PHACTR3: variants seen among roughly 807,000 people sequenced by gnomAD.
PHACTR3 encodes phosphatase and actin regulator 3.
A neutral mutation model predicts 66.8 loss-of-function variants in PHACTR3; 16 were observed. That is an observed-to-expected ratio of 0.24 (90% CI 0.16 to 0.36). PHACTR3 has a LOEUF of 0.36. PHACTR3 is among the 10% of genes least tolerant of loss of function. The probability of loss-of-function intolerance (pLI) is 1.00; values close to 1 mark genes in which losing one functional copy is unlikely to be tolerated. For missense variants in PHACTR3, 647 were observed against 719.9 expected (o/e 0.90, Z 1.16); for synonymous variants, 323 against 292.1 (o/e 1.11, Z -1.08).
chr20:59,761,152 G>A (rs1358775415), intron 4 of PHACTR3, among the ~76,000 whole-genome samples: 1 of 152,166 alleles, frequency 6.6e-6, no homozygotes, highest in East Asian at 1.9e-4. Flanking sequence ...TACTGCCCAT[G>A]TCTGTGTCTG....
At chr20:59,620,727 G>A (rs539087779) in intron 1 of PHACTR3, among the ~76,000 whole-genome samples, 2 of 152,288 alleles carry the variant, frequency 1.3e-5, no homozygotes, top group African/African-American at 4.8e-5. Flanking sequence ...ATTCGTCAGC[G>A]TTTTGTGGGA....
chr20:59,588,593 C>G (rs1008468207), intron 1 of PHACTR3, among the ~76,000 whole-genome samples: 1 of 152,204 alleles, frequency 6.6e-6, no homozygotes, highest in Non-Finnish European at 1.5e-5. Flanking sequence ...CCTTTGAGTC[C>G]TGAGGCCTGT....
intron 1 of PHACTR3, among the ~76,000 whole-genome samples, chr20:59,595,189 G>C (rs999610279): frequency 1.3e-5 from 2 of 152,120 alleles, no homozygotes; most frequent in East Asian, 1.9e-4. Context: ...TGTGCCGGGC[G>C]TGGTGGCTCA....
At chr20:59,817,987 T>TC (rs1489841970) in intron 8 of PHACTR3, among the ~76,000 whole-genome samples, 1 of 152,148 alleles carries the variant, frequency 6.6e-6, no homozygotes, top group Non-Finnish European at 1.5e-5. Context: ...AATAAATGGG[T>TC]CATCCTGTAA....
At chr20:59,763,702 A>G (rs1221953046) in intron 4 of PHACTR3, among the ~76,000 whole-genome samples, 2 of 152,232 alleles carry the variant, frequency 1.3e-5, no homozygotes, top group East Asian at 3.8e-4. Flanking sequence ...AAGGTTAGAC[A>G]GGGAAGAGGA....
intron 8 of PHACTR3, among the ~76,000 whole-genome samples, chr20:59,811,564 C>T (rs2041736853): frequency 6.6e-6 from 1 of 152,150 alleles, no homozygotes; most frequent in Non-Finnish European, 1.5e-5. Flanking sequence ...GAGGCTGAGG[C>T]AGGAGAATCG....
At chr20:59,752,587 G>T (rs1264095679) in intron 3 of PHACTR3, among the ~76,000 whole-genome samples, 1 of 152,244 alleles carries the variant, frequency 6.6e-6, no homozygotes, top group East Asian at 1.9e-4. Context: ...CAGAAAACCT[G>T]CAAGAAAGCA....
intron 1 of PHACTR3, among the ~76,000 whole-genome samples, chr20:59,693,940 A>G (rs895756021): frequency 1.5e-4 from 23 of 152,198 alleles, no homozygotes; most frequent in African/African-American, 4.8e-4. Context: ...CGTAAGCCCC[A>G]GTCCAGCCCA....
Position 59,781,744 on chromosome 20 carries a change from A to G in PHACTR3, c.1174+7254A>G, listed in dbSNP as rs116829611. Among the ~76,000 whole-genome samples the G allele has an allele frequency of 2.4e-3, 366 of 152,250 alleles. 1 individual carries two copies. Among genetic ancestry groups the G allele is most frequent in the African/African-American group, 8.6e-3 (356 of 41,506 alleles). On this transcript the variant is annotated intron_variant, in intron 7 of 12. Coordinates refer to ENST00000371015, the MANE Select transcript of PHACTR3 (RefSeq NM_080672.5). ...TAAAAGGTGACCCGAGAGAGTGACTATGTACATATTAATATGTTCTAGCAC... is the reference window on the plus strand; with the variant it reads ...TAAAAGGTGACCCGAGAGAGTGACTGTGTACATATTAATATGTTCTAGCAC...
intron 1 of PHACTR3, among the ~76,000 whole-genome samples, chr20:59,681,264 G>A (rs927186731): frequency 2.0e-5 from 3 of 152,246 alleles, no homozygotes; most frequent in South Asian, 2.1e-4. Flanking sequence ...GATTCCACAC[G>A]TACACACATG....
At chr20:59,708,584 A>C (rs1161548998) in intron 1 of PHACTR3, among the ~76,000 whole-genome samples, 1 of 152,124 alleles carries the variant, frequency 6.6e-6, no homozygotes, top group Non-Finnish European at 1.5e-5. Context: ...GTCATAATAG[A>C]GTCTGCTTTC....
chr20:59,758,697 A>G (rs758099915), intron 4 of PHACTR3, among the ~76,000 whole-genome samples: 2 of 152,222 alleles, frequency 1.3e-5, no homozygotes, highest in Non-Finnish European at 2.9e-5. Flanking sequence ...ATGCTGGCAC[A>G]AAAGTCGAAT....
At chr20:59,579,977 G>C (rs750401980) in intron 1 of PHACTR3, among the ~76,000 whole-genome samples, 2 of 152,126 alleles carry the variant, frequency 1.3e-5, no homozygotes, top group African/African-American at 2.4e-5. Flanking sequence ...GAGAGGAAGC[G>C]CGCATTCCGT....
chr20:59,741,140 G>A lies in PHACTR3; in HGVS notation c.119-1967G>A, dbSNP rs191118108. Among the ~76,000 whole-genome samples the A allele has an allele frequency of 5.3e-5, 8 of 152,326 alleles. No individual in the cohort carries two copies. The East Asian group carries it at 9.7e-4, about 18-fold the overall frequency. ...GGTGAGCCCTTGTGTTAGCCACACCGTCCAGCCCTTCTCCCTGCATGTCCA... is the reference window on the plus strand; with the variant it reads ...GGTGAGCCCTTGTGTTAGCCACACCATCCAGCCCTTCTCCCTGCATGTCCA... On this transcript the variant is annotated intron_variant, in intron 1 of 12. Transcript: ENST00000371015.
intron 1 of PHACTR3, among the ~76,000 whole-genome samples, chr20:59,623,416 TCAA>T (rs1403817291): frequency 4.6e-5 from 7 of 152,236 alleles, no homozygotes; most frequent in Non-Finnish European, 1.0e-4. Context: ...ATGTATGTAT[TCAA>T]CAAACATCGA....
At chr20:59,713,002 A>G (rs1296019352) in intron 1 of PHACTR3, among the ~76,000 whole-genome samples, 2 of 152,230 alleles carry the variant, frequency 1.3e-5, no homozygotes, top group Non-Finnish European at 2.9e-5. Context: ...TTCCGTTGAG[A>G]TATGAAATAA....
At chr20:59,745,994 C>T (rs2039357829) in intron 2 of PHACTR3, among the ~76,000 whole-genome samples, 1 of 152,224 alleles carries the variant, frequency 6.6e-6, no homozygotes, top group East Asian at 1.9e-4. Flanking sequence ...GAGCTCGAGG[C>T]CTCCACCCCT....
intron 2 of PHACTR3, 128 bp from the exon 3 acceptor site, chr20:59,747,630 T>G: frequency 9.4e-7 from 1 of 1,060,178 alleles, no homozygotes. Flanking sequence ...CTAGGCCCCC[T>G]AACCCCGAGG....
intron 8 of PHACTR3, among the ~76,000 whole-genome samples, chr20:59,828,714 G>A (rs1019684445): frequency 1.3e-5 from 2 of 152,110 alleles, no homozygotes; most frequent in African/African-American, 2.4e-5. Flanking sequence ...TTTGGGAGGG[G>A]TGGGAGTAGG....
Sources: allele counts gnomAD v4.1 joint callset (sites outside exome capture counted in the v4.1 genomes callset), GRCh38; gene constraint gnomAD v4.1.1; transcripts MANE v1.5; gene names NCBI Gene and HGNC (gene_info 2026-07-23, HGNC 2026-07-21).